Variants in DPP10 observed in about 807,000 individuals in gnomAD.
DPP10 encodes the protein inactive dipeptidyl peptidase 10.
Under a neutral mutation model 120.9 loss-of-function variants are expected in DPP10, and 33 were observed. The ratio of observed to expected loss-of-function variants is 0.27; its 90% CI spans 0.21 to 0.37. The LOEUF (loss-of-function observed/expected upper bound fraction) is 0.37. Ranked by LOEUF, DPP10 falls within the 10% of genes least tolerant of loss-of-function variation. The probability of loss-of-function intolerance (pLI) is 1.00; values close to 1 mark genes in which losing one functional copy is unlikely to be tolerated. For synonymous variants in DPP10, 337 were observed against 326.1 expected, an observed-to-expected ratio of 1.03 and a Z score of -0.36; for missense variants, 816 against 942.8, an observed-to-expected ratio of 0.87 and a Z score of 1.76.
At chr2:114,473,172 A>C (rs568979397) in intron 1 of DPP10, among the ~76,000 whole-genome samples, 1 of 152,156 alleles carries the variant, frequency 6.6e-6, no homozygotes, top group Non-Finnish European at 1.5e-5. Flanking sequence ...TATAGCCCCA[A>C]TCTTCTTTCT....
chr2:115,809,885 G>A (rs1477230514), intron 19 of DPP10, among the ~76,000 whole-genome samples: 1 of 152,082 alleles, frequency 6.6e-6, no homozygotes, highest in African/African-American at 2.4e-5. Flanking sequence ...TACTTTTAAT[G>A]GGGTGCGGTG....
chr2:114,742,514 T>C (rs1176976661), intron 1 of DPP10, among the ~76,000 whole-genome samples: 2 of 152,226 alleles, frequency 1.3e-5, no homozygotes, highest in African/African-American at 2.4e-5. Flanking sequence ...CATGCTTTCC[T>C]TGGAGAATAC....
intron 1 of DPP10, among the ~76,000 whole-genome samples, chr2:114,920,427 C>T (rs1337933281): frequency 1.3e-5 from 2 of 152,184 alleles, no homozygotes; most frequent in Non-Finnish European, 2.9e-5. Context: ...CATCTCCATA[C>T]GTGCTAGCAC....
chr2:115,567,280 G>A (rs549547221), intron 5 of DPP10, among the ~76,000 whole-genome samples: 7 of 152,074 alleles, frequency 4.6e-5, no homozygotes, highest in African/African-American at 9.6e-5. Flanking sequence ...AATTGTCACC[G>A]CTTCTCACCT....
At chr2:114,466,213 C>T (rs1004606182) in intron 1 of DPP10, among the ~76,000 whole-genome samples, 1 of 152,120 alleles carries the variant, frequency 6.6e-6, no homozygotes, top group African/African-American at 2.4e-5. Context: ...TGTATCAGAA[C>T]ATTCTATAAA....
chr2:114,727,870 ATC>A (rs1558677623), intron 1 of DPP10, among the ~76,000 whole-genome samples: 1 of 152,190 alleles, frequency 6.6e-6, no homozygotes, highest in African/African-American at 2.4e-5. Context: ...AGTGTCTATT[ATC>A]TGTCTATCAC....
intron 3 of DPP10, among the ~76,000 whole-genome samples, chr2:115,420,414 G>A (rs2069832639): frequency 6.6e-6 from 1 of 152,142 alleles, no homozygotes; most frequent in African/African-American, 2.4e-5. Context: ...ATGGATTAGA[G>A]TCCATGTATA....
At chr2:115,647,622 T>C (rs1478443432) in intron 5 of DPP10, among the ~76,000 whole-genome samples, 1 of 152,116 alleles carries the variant, frequency 6.6e-6, no homozygotes, top group Non-Finnish European at 1.5e-5. Context: ...ACAAAATACC[T>C]GATACTGGGT....
intron 1 of DPP10, among the ~76,000 whole-genome samples, chr2:114,720,648 G>A (rs535851576): frequency 6.6e-6 from 1 of 152,276 alleles, no homozygotes; most frequent in African/African-American, 2.4e-5. Flanking sequence ...AATTGTCTAA[G>A]TACCAGGAAA....
At chr2:115,039,196 A>G (rs912512682) in intron 1 of DPP10, among the ~76,000 whole-genome samples, 3 of 152,202 alleles carry the variant, frequency 2.0e-5, no homozygotes, top group Admixed American at 2.0e-4. Flanking sequence ...GTTTTGAGAC[A>G]GGGGAGAAAT....
At chr2:115,711,580 T>C (rs1205616771) in intron 7 of DPP10, among the ~76,000 whole-genome samples, 2 of 152,078 alleles carry the variant, frequency 1.3e-5, no homozygotes, top group African/African-American at 4.8e-5. Flanking sequence ...TAATCCTATA[T>C]AGGTGTGGGA....
intron 3 of DPP10, among the ~76,000 whole-genome samples, chr2:115,455,680 G>A (rs1212653133): frequency 6.6e-6 from 1 of 152,086 alleles, no homozygotes; most frequent in African/African-American, 2.4e-5. Flanking sequence ...ACAACCATCT[G>A]ATCTTTGACA....
intron 1 of DPP10, among the ~76,000 whole-genome samples, chr2:114,896,461 A>G (rs1693009682): frequency 6.6e-6 from 1 of 152,010 alleles, no homozygotes; most frequent in African/African-American, 2.4e-5. Context: ...GTCCCTTGTA[A>G]GTTGGATTCC....
intron 3 of DPP10, among the ~76,000 whole-genome samples, chr2:115,357,682 C>G (rs759699170): frequency 1.3e-5 from 2 of 152,206 alleles, no homozygotes; most frequent in Non-Finnish European, 2.9e-5. Flanking sequence ...TGTGGGGGCT[C>G]CTACTCCACA....
chr2:114,753,856 C>A (rs939451063), intron 1 of DPP10, among the ~76,000 whole-genome samples: 2 of 146,462 alleles, frequency 1.4e-5, no homozygotes, highest in African/African-American at 2.6e-5. Context: ...TTGCAGTGAG[C>A]CCAGATGGCG....
rs377271131 is a variant in DPP10, at chr2:114,794,240, C to T, written c.60+351402C>T. ...GTGACTTTTGGTCCAGTCTCTGAGC[C>T]TCCAGCAAACCATACATCTTCGATA... On this transcript the variant is annotated intron_variant, in intron 1 of 25. Transcript: ENST00000410059. 2.2e-4 allele frequency among the ~76,000 whole-genome samples: 33 copies of T among 152,162 alleles called. 1 individual carries two copies. The East Asian group carries it at 5.6e-3, about 26-fold the overall frequency.
At chr2:114,630,622 A>G (rs1297813479) in intron 1 of DPP10, among the ~76,000 whole-genome samples, 2 of 152,164 alleles carry the variant, frequency 1.3e-5, no homozygotes, top group Admixed American at 6.6e-5. Flanking sequence ...TTCCAAAGAG[A>G]GGCCTGTGGG....
At chr2:114,698,487 G>A (rs1030728618) in intron 1 of DPP10, among the ~76,000 whole-genome samples, 2 of 152,192 alleles carry the variant, frequency 1.3e-5, no homozygotes, top group Admixed American at 6.5e-5. Context: ...GTCATTTTTA[G>A]CTATTAACTT....
intron 4 of DPP10, among the ~76,000 whole-genome samples, chr2:115,507,028 G>GCACA (rs1244684709): frequency 8.4e-6 from 1 of 119,032 alleles, no homozygotes; most frequent in Non-Finnish European, 1.7e-5. Flanking sequence ...ACACACACAC[G>GCACA]CACGCGCACA....
Sources: allele counts gnomAD v4.1 joint callset (sites outside exome capture counted in the v4.1 genomes callset), GRCh38; gene constraint gnomAD v4.1.1; transcripts MANE v1.5; gene names NCBI Gene and HGNC (gene_info 2026-07-23, HGNC 2026-07-21).